ANKRD33B: variants seen among roughly 807,000 people sequenced by gnomAD.
ANKRD33B encodes the protein ankyrin repeat domain 33B.
ANKRD33B carries 6 observed loss-of-function variants against 21.5 expected under a neutral mutation model. The ratio of observed to expected loss-of-function variants is 0.28; its 90% CI spans 0.15 to 0.55. ANKRD33B has a LOEUF of 0.55. Among genes scored for constraint, ANKRD33B ranks in the 20% least tolerant of loss-of-function variants. The pLI, the probability that ANKRD33B is intolerant of heterozygous loss-of-function variation, is 0.94. For synonymous variants in ANKRD33B, 347 were observed against 342.4 expected, an observed-to-expected ratio of 1.01 and a Z score of -0.15; for missense variants, 698 against 747.2, an observed-to-expected ratio of 0.93 and a Z score of 0.77.
intron 1 of ANKRD33B, among the ~76,000 whole-genome samples, chr5:10,584,017 C>T (rs1735502295): frequency 6.6e-6 from 1 of 152,144 alleles, no homozygotes; most frequent in Non-Finnish European, 1.5e-5. Flanking sequence ...CCACGTTTAC[C>T]CAGTGCCCGG....
At chr5:10,617,512 T>G (rs534756159) in intron 1 of ANKRD33B, among the ~76,000 whole-genome samples, 4 of 152,366 alleles carry the variant, frequency 2.6e-5, no homozygotes, top group South Asian at 4.1e-4. Context: ...CCCCAGCTGC[T>G]GCCCCCACCC....
intron 1 of ANKRD33B, among the ~76,000 whole-genome samples, chr5:10,574,191 T>C (rs1037909000): frequency 6.6e-6 from 1 of 152,276 alleles, no homozygotes; most frequent in African/African-American, 2.4e-5. Context: ...CTATTTTCTT[T>C]GTTCACATAT....
chr5:10,635,621 TGAGGTCAATGGC>T (rs1736839611), intron 2 of ANKRD33B, among the ~76,000 whole-genome samples: 1 of 152,252 alleles, frequency 6.6e-6, no homozygotes, highest in Non-Finnish European at 1.5e-5. Context: ...GGAGATGGGC[TGAGGTCAATGGC>T]GAGCTTGCTC....
chr5:10,632,831 A>G (rs1036276557), intron 2 of ANKRD33B, among the ~76,000 whole-genome samples: 20 of 152,192 alleles, frequency 1.3e-4, no homozygotes, highest in African/African-American at 4.6e-4. Flanking sequence ...TCTGTTGCCC[A>G]GGCTGGAGTA....
At position 10,564,664 on chromosome 5, in the gene ANKRD33B, A is replaced by T; in HGVS notation, c.197A>T (p.Glu66Val). ...DSFYPFEDEE[E>V]HGVESAESVP... is the part of the protein sequence containing the mutation. ...TTCTACCCTTTCGAGGACGAGGAGG[A>T]GCACGGCGTCGAGAGCGCGGAGAGC... The change falls in exon 1 of 4, where the codon GAG (glutamate) becomes GTG (valine). Residue 66 changes from glutamate (E) to valine (V), a missense_variant. Physicochemically the swap from Glu to Val is moderately radical, Grantham distance 121. Coordinates refer to ENST00000296657, the MANE Select transcript of ANKRD33B (RefSeq NM_001164440.2). 1 of 1,534,874 alleles carries T rather than the reference A, an allele frequency of 6.5e-7. No homozygotes were observed. Among genetic ancestry groups the T allele is most frequent in the Non-Finnish European group, 8.7e-7 (1 of 1,146,528 alleles).
In ANKRD33B at chr5:10,650,924, T is replaced by C. The variant is rs1010729486; in HGVS notation, c.*811T>C. 6.6e-6 allele frequency: 1 copy of C among 152,302 alleles called. No homozygotes were observed. The highest frequency in any genetic ancestry group is 2.4e-5 in the African/African-American group (1 of 41,422). 9.4% of individuals were successfully genotyped at this position (152,302 alleles called of 1,614,324 possible). On this transcript the variant is annotated 3_prime_UTR_variant, in exon 4 of 4. Transcript: ENST00000296657. ...GATACGAAATCTTTAACATTAAAAA[T>C]AGATATGAGAAAAAAACTGTCATTC...
At chr5:10,648,146 C>T (rs1223310281) in intron 3 of ANKRD33B, among the ~76,000 whole-genome samples, 1 of 144,614 alleles carries the variant, frequency 6.9e-6, no homozygotes, top group Non-Finnish European at 1.5e-5. Flanking sequence ...ATGCCCCCTA[C>T]CCACCAGGAT....
chr5:10,642,904 C>CTTTGT (rs983029009), intron 3 of ANKRD33B, among the ~76,000 whole-genome samples: 4 of 151,662 alleles, frequency 2.6e-5, no homozygotes, highest in South Asian at 2.1e-4. Context: ...GTTTGTTTTG[C>CTTTGT]TTTGTTTTGT....
intron 1 of ANKRD33B, among the ~76,000 whole-genome samples, chr5:10,566,781 C>T (rs1237736864): frequency 6.6e-6 from 1 of 152,216 alleles, no homozygotes; most frequent in African/African-American, 2.4e-5. Context: ...CCCAGCAGCT[C>T]TCTGCCTCAG....
At chr5:10,626,054 A>G (rs1424659512) in intron 2 of ANKRD33B, among the ~76,000 whole-genome samples, 1 of 152,226 alleles carries the variant, frequency 6.6e-6, no homozygotes, top group Admixed American at 6.5e-5. Flanking sequence ...AACCCGAGTG[A>G]CACAGGCCAA....
chr5:10,629,965 A>G (rs1736667865), intron 2 of ANKRD33B, among the ~76,000 whole-genome samples: 1 of 152,204 alleles, frequency 6.6e-6, no homozygotes, highest in Non-Finnish European at 1.5e-5. Context: ...CAGCAAAGTC[A>G]GAGAGTGTCA....
Position 10,649,971 on chromosome 5 carries a change from A to G in ANKRD33B, c.1343A>G (p.Lys448Arg). 6.5e-7 allele frequency: 1 copy of G among 1,533,322 alleles called. No individual in the cohort carries two copies. Among genetic ancestry groups the G allele is most frequent in the Non-Finnish European group, 8.7e-7 (1 of 1,144,828 alleles). The allele number at this position is 1,533,322 out of a possible 1,614,324, so 95.0% of individuals were successfully genotyped here. ...CGGCCGGCGCGGAAGGGCAGCACCA[A>G]GGACAGCGGCCACCTGCAGATCCCC... ...PERPARKGST[K>R]DSGHLQIPKW... Residue 448 changes from lysine (K) to arginine (R), a missense_variant, in exon 4 of 4, where the codon AAG (lysine) becomes AGG (arginine). Physicochemically the swap from Lys to Arg is conservative, Grantham distance 26. Transcript: ENST00000296657.
chr5:10,631,366 A>G lies in ANKRD33B; in HGVS notation c.497-6662A>G, dbSNP rs181969180. On this transcript the variant is annotated intron_variant, in intron 2 of 3. Transcript: ENST00000296657. Reference sequence around the variant, plus strand: ...AAATATTCCACAGCAGTGGGCAGGGAGTGGCTGTCAAGCACAGGAGGGGAG... The same window carrying G: ...AAATATTCCACAGCAGTGGGCAGGGGGTGGCTGTCAAGCACAGGAGGGGAG... 4.5e-3 allele frequency among the ~76,000 whole-genome samples: 683 copies of G among 152,298 alleles called. 2 individuals carry two copies. The highest frequency in any genetic ancestry group is 0.015 in the African/African-American group (634 of 41,570).
intron 1 of ANKRD33B, among the ~76,000 whole-genome samples, chr5:10,613,088 A>G (rs1345652058): frequency 2.6e-5 from 4 of 152,084 alleles, no homozygotes; most frequent in African/African-American, 9.7e-5. Flanking sequence ...CTGTGGTACC[A>G]TAGGCCCCAC....
chr5:10,601,541 C>T (rs796141548), intron 1 of ANKRD33B, among the ~76,000 whole-genome samples: 27 of 152,336 alleles, frequency 1.8e-4, no homozygotes, highest in African/African-American at 6.0e-4. Context: ...CTGGCATTCT[C>T]ATTGTTTACT....
chr5:10,566,100 T>C (rs1327177771), intron 1 of ANKRD33B, among the ~76,000 whole-genome samples: 1 of 152,196 alleles, frequency 6.6e-6, no homozygotes, highest in East Asian at 1.9e-4. Flanking sequence ...CACGTGGGAA[T>C]TCAAGATGAG....
chr5:10,574,067 C>T (rs1735262886), intron 1 of ANKRD33B, among the ~76,000 whole-genome samples: 1 of 152,254 alleles, frequency 6.6e-6, no homozygotes, highest in East Asian at 1.9e-4. Context: ...TTGCCCCGGG[C>T]TCTTTTACAC....
intron 2 of ANKRD33B, 149 bp from the exon 3 acceptor site, chr5:10,637,879 T>C (rs1736909135): frequency 1.1e-6 from 1 of 873,022 alleles, no homozygotes; most frequent in Admixed American, 2.9e-5. Flanking sequence ...CCAGGAGAAT[T>C]CTGTCTTGGG....
chr5:10,600,437 A>G (rs751198419), intron 1 of ANKRD33B, among the ~76,000 whole-genome samples: 2 of 152,202 alleles, frequency 1.3e-5, no homozygotes, highest in African/African-American at 2.4e-5. Context: ...GGTGTCTGGC[A>G]TATTTTGTTC....
Sources: allele counts gnomAD v4.1 joint callset (sites outside exome capture counted in the v4.1 genomes callset), GRCh38; gene constraint gnomAD v4.1.1; transcripts MANE v1.5; gene names NCBI Gene and HGNC (gene_info 2026-07-23, HGNC 2026-07-21).